PRB4: variants seen among roughly 807,000 people sequenced by gnomAD.
PRB4 encodes the protein proline rich protein BstNI subfamily 4.
Under a neutral mutation model 9.1 loss-of-function variants are expected in PRB4, and 14 were observed. The ratio of observed to expected loss-of-function variants is 1.54; its 90% confidence interval spans 1.02 to 2.41. The LOEUF is 2.41. Ranked by LOEUF, PRB4 falls within the 30% of genes most tolerant of loss-of-function variation. PRB4 has a pLI of 0.00. For synonymous variants in PRB4, 102 were observed against 108.5 expected (o/e 0.94, Z 0.37); for missense variants, 381 against 299.3 (o/e 1.27, Z -2.02).
At position 11,308,842 on chromosome 12, in the gene PRB4, G is replaced by A. The variant is rs776801806; in HGVS notation, c.141C>T (p.Pro47=). 3 of 1,589,898 alleles carry A rather than the reference G, an allele frequency of 1.9e-6. No individual in the cohort carries two copies. Among genetic ancestry groups the A allele is most frequent in the South Asian group, 2.2e-5 (2 of 89,860 alleles). ...TTCCTGGAGGAGGTGGGGGACGTTG[G>A]GGCTGGTTTCCTCCTTGTGGGCGTC... ...EGRRPQGGNQ[P]QRPPPPPGKP... is the part of the protein sequence containing the mutation. Residue 47 remains proline, a synonymous_variant, in exon 3 of 4, where the codon CCC becomes CCT. Coordinates refer to ENST00000279575, the MANE Select transcript of PRB4 (RefSeq NM_002723.6).
intron 1 of PRB4, among the ~76,000 whole-genome samples, chr12:11,310,121 A>C (rs577348203): frequency 1.3e-5 from 2 of 152,214 alleles, no homozygotes; most frequent in East Asian, 3.9e-4. Flanking sequence ...TTACCTTCTC[A>C]TTCCCCTGGA....
At chr12:11,309,075 G>T (rs1341218220) in intron 2 of PRB4, among the ~76,000 whole-genome samples, 193 bp from the exon 3 acceptor site, 1 of 152,148 alleles carries the variant, frequency 6.6e-6, no homozygotes, top group Non-Finnish European at 1.5e-5. Flanking sequence ...AGTCTAAGGA[G>T]GAGTCAGAAT....
At chr12:11,309,475 G>T in intron 1 of PRB4, 70 bp from the exon 2 acceptor site, 1 of 1,613,210 alleles carries the variant, frequency 6.2e-7, no homozygotes, top group South Asian at 1.1e-5. Context: ...GTGTTCTACA[G>T]GGAAAATTGT....
chr12:11,309,309 A>G (rs1437707833), intron 2 of PRB4, 61 bp downstream of exon 2: 4 of 1,612,710 alleles, frequency 2.5e-6, no homozygotes, highest in African/African-American at 2.7e-5. Flanking sequence ...CACTGGAGAA[A>G]TGATCCATTT....
chr12:11,307,541 A>G (rs2900128), intron 3 of PRB4, among the ~76,000 whole-genome samples: 33,588 of 152,146 alleles, frequency 0.22, 4,510 homozygotes, highest in Admixed American at 0.32. Flanking sequence ...AATTTTAAAA[A>G]AATGTATTTT....
At chr12:11,308,128 C>A (rs1378018411) in intron 3 of PRB4, 93 bp downstream of exon 3, 14 of 1,422,794 alleles carry the variant, frequency 9.8e-6, no homozygotes, top group Non-Finnish European at 1.1e-5. Context: ...TAGGACAATA[C>A]AATGTCAATG....
rs374921001 is a variant in PRB4 at position 11,308,462 on chromosome 12, C to T, written c.521G>A (p.Arg174Gln). 8.7e-6 allele frequency: 14 copies of T among 1,605,920 alleles called. No homozygotes were observed. The highest frequency in any genetic ancestry group is 1.4e-5 in the African/African-American group (1 of 73,300). ...GPPPQEGNKS[R>Q]SARSPPGKPQ... ...CTTTCCTGGAGGAGATCGGGCACTT[C>T]GGGACTTGTTTCCTTCCTGTGGGGG... is the stretch of plus-strand genomic sequence containing the variant. Residue 174 changes from arginine (R) to glutamine (Q), a missense_variant, in exon 3 of 4, where the codon CGA becomes CAA. Physicochemically the swap from Arg to Gln is conservative, Grantham distance 43. Coordinates refer to ENST00000279575, the MANE Select transcript of PRB4 (RefSeq NM_002723.6).
At position 11,309,553 on chromosome 12, in the gene PRB4, G is replaced by T; in HGVS notation, c.65-148C>A. ...CCACCATCTGTGAAGGTGCTGGAAG[G>T]GGTGGAAGGTGTAAGAGGAGGCAGG... On this transcript the variant is annotated intron_variant, in intron 1 of 3. Transcript: ENST00000279575. The T allele has an allele frequency of 2.7e-6, 4 of 1,488,970 alleles. No individual in the cohort carries two copies. In the East Asian group the frequency reaches 6.9e-5, roughly 26 times the overall value. The allele number at this position is 1,488,970 out of a possible 1,614,324, so 92.2% of individuals were successfully genotyped here. A position where few individuals can be genotyped will look rare whatever the true frequency, so the allele number is the denominator to read the frequency against.
chr12:11,310,204 G>A, intron 1 of PRB4, 131 bp downstream of exon 1: 9 of 1,113,020 alleles, frequency 8.1e-6, no homozygotes, highest in South Asian at 6.2e-5. Context: ...GGGCACAACA[G>A]GTCTCCTGAT....
chr12:11,307,081 T>C lies in PRB4; in HGVS notation c.*137A>G, dbSNP rs1415333908. 1 of 154,606 alleles carries C rather than the reference T, an allele frequency of 6.5e-6. No individual in the cohort carries two copies. Among genetic ancestry groups the C allele is most frequent in the Admixed American group, 6.5e-5 (1 of 15,286 alleles). The allele number at this position is 154,606 out of a possible 1,614,324, so 9.6% of individuals were successfully genotyped here. On this transcript the variant is annotated 3_prime_UTR_variant, in exon 4 of 4. Transcript: ENST00000279575. ...TGAGAAAGAACACCACAATCAGAAA[T>C]TGCAAGCTGATTATTTTATTGGTAT...
At position 11,308,979 on chromosome 12, in the gene PRB4, A is replaced by C. The variant is rs183223109; in HGVS notation, c.101-97T>G. 58 of 1,523,042 alleles carry C rather than the reference A, an allele frequency of 3.8e-5. No individual in the cohort carries two copies. The African/African-American group carries it at 7.2e-4, about 19-fold the overall frequency. The allele number at this position is 1,523,042 out of a possible 1,614,324, so 94.3% of individuals were successfully genotyped here. ...GGGGAAATGCACAAAAATGAGACCC[A>C]GATACTAATTTCTTTGCATTTTCAG... On this transcript the variant is annotated intron_variant, in intron 2 of 3. Coordinates refer to ENST00000279575, the MANE Select transcript of PRB4 (RefSeq NM_002723.6).
intron 1 of PRB4, among the ~76,000 whole-genome samples, chr12:11,309,621 C>T (rs370663978): frequency 6.6e-6 from 1 of 152,168 alleles, no homozygotes; most frequent in East Asian, 1.9e-4. Context: ...CAACATAGAA[C>T]AGCCCCTTTT....
chr12:11,309,940 T>G (rs1863014774), intron 1 of PRB4, among the ~76,000 whole-genome samples: 2 of 152,136 alleles, frequency 1.3e-5, no homozygotes, highest in African/African-American at 2.4e-5. Context: ...GTATCTCTGA[T>G]GTGTATGTAT....
rs758270383 is a variant in PRB4, at chr12:11,308,383, A to C, written c.600T>G (p.Pro200=). ...CTGGGGGTGGGCCTTGTGGCTTTCC[A>C]GGAGGTGGGGGACCTTGAGGCTTGT... is the stretch of plus-strand genomic sequence containing the variant. ...EGNKPQGPPP[P]GKPQGPPPAG... Residue 200 remains proline (P), a synonymous_variant, in exon 3 of 4, where the codon CCT becomes CCG. Transcript: ENST00000279575. The C allele has an allele frequency of 2.5e-6, 4 of 1,599,998 alleles. No homozygotes were observed. Among genetic ancestry groups the C allele is most frequent in the African/African-American group, 1.3e-5 (1 of 74,084 alleles).
Position 11,308,282 on chromosome 12 carries a change from C to G in PRB4, c.701G>C (p.Gly234Ala). The G allele has an allele frequency of 6.2e-7, 1 of 1,608,450 alleles. No individual in the cohort carries two copies. Among genetic ancestry groups the G allele is most frequent in the East Asian group, 2.2e-5 (1 of 44,860 alleles). The change falls in exon 3 of 4, where the codon GGC becomes GCC. Residue 234 changes from glycine to alanine, a missense_variant. By Grantham distance (60) the Gly-to-Ala change is moderately conservative (BLOSUM62 0). Transcript: ENST00000279575. ...PQGPPPPPQG[G>A]RPPRPAQGQQ... ...TCCCTGGGCAGGTCTGGGTGGCCTG[C>G]CCCCTTGAGGAGGTGGAGGTGGCCC...
rs1464820497 is a variant in PRB4, at chr12:11,308,327, G to A, written c.656C>T (p.Pro219Leu). The change falls in exon 3 of 4, where the codon CCT (proline) becomes CTT (leucine). Residue 219 changes from proline to leucine, a missense_variant. Pro to Leu is a moderately conservative substitution (Grantham distance 98, BLOSUM62 -3). Coordinates refer to ENST00000279575, the MANE Select transcript of PRB4 (RefSeq NM_002723.6). ...TGGCCCCTGGGGCTTTCCAGCAGGA[G>A]GTGCCTGAGGCTGCTGGGGATTGCC... ...AGGNPQQPQA[P>L]PAGKPQGPPP... 6.2e-7 allele frequency: 1 copy of A among 1,609,186 alleles called. No individual in the cohort carries two copies. The highest frequency in any genetic ancestry group is 8.5e-7 in the Non-Finnish European group (1 of 1,176,652).
chr12:11,309,054 GA>G (rs1862993364), intron 2 of PRB4, among the ~76,000 whole-genome samples, 172 bp from the exon 3 acceptor site: 2 of 51,130 alleles, frequency 3.9e-5, no homozygotes, highest in Admixed American at 4.9e-4. Context: ...GGGAGAAGTT[GA>G]GGGGCTCTCA....
intron 2 of PRB4, 83 bp from the exon 3 acceptor site, chr12:11,308,965 C>A: frequency 6.4e-7 from 1 of 1,555,362 alleles, no homozygotes; most frequent in Non-Finnish European, 8.9e-7. Flanking sequence ...GGGAAATGCA[C>A]AAAAATGAGA....
chr12:11,309,234 A>T, intron 2 of PRB4, 136 bp downstream of exon 2: 5 of 1,454,106 alleles, frequency 3.4e-6, no homozygotes, highest in Admixed American at 3.7e-5. Flanking sequence ...TTGCATGAAG[A>T]TTGCCTATAT....
Sources: allele counts gnomAD v4.1 joint callset (sites outside exome capture counted in the v4.1 genomes callset), GRCh38; gene constraint gnomAD v4.1.1; transcripts MANE v1.5; gene names NCBI Gene and HGNC (gene_info 2026-07-23, HGNC 2026-07-21).